CDH18: variants seen among roughly 807,000 people sequenced by gnomAD.
The protein encoded by CDH18 is cadherin 18, also known as cadherin-18.
Under a neutral mutation model 67.9 loss-of-function variants are expected in CDH18, and 31 were observed. The observed-to-expected ratio is 0.46, with a 90% CI of 0.34 to 0.62. The LOEUF (loss-of-function observed/expected upper bound fraction) is 0.62, where lower values mean the gene tolerates loss of function less well. CDH18 is among the 20% of genes least tolerant of loss of function. CDH18 has a pLI of 0.01. For synonymous variants in CDH18, 362 were observed against 347.2 expected (o/e 1.04, Z -0.48); for missense variants, 890 against 975.5 (o/e 0.91, Z 1.17).
chr5:19,897,309 T>C (rs550473248), intron 2 of CDH18, among the ~76,000 whole-genome samples: 1 of 152,252 alleles, frequency 6.6e-6, no homozygotes, highest in South Asian at 2.1e-4. Flanking sequence ...ATATTGTTGC[T>C]AAACATATAA....
intron 2 of CDH18, among the ~76,000 whole-genome samples, chr5:20,130,555 C>G (rs1421297824): frequency 2.6e-5 from 4 of 151,852 alleles, no homozygotes. Flanking sequence ...ATCTGGCTAC[C>G]ATGGCCTAGT....
intron 2 of CDH18, among the ~76,000 whole-genome samples, chr5:19,980,342 A>G (rs1798913223): frequency 6.6e-6 from 1 of 152,164 alleles, no homozygotes; most frequent in Non-Finnish European, 1.5e-5. Context: ...ATATAGAATG[A>G]TTTACATAAA....
intron 2 of CDH18, among the ~76,000 whole-genome samples, chr5:20,079,330 T>C (rs1349714904): frequency 6.6e-6 from 1 of 152,202 alleles, no homozygotes; most frequent in East Asian, 1.9e-4. Flanking sequence ...TCTCTGTCTC[T>C]GGCTTATCTC....
intron 3 of CDH18, among the ~76,000 whole-genome samples, chr5:19,833,056 G>C (rs886526391): frequency 4.6e-5 from 7 of 151,972 alleles, no homozygotes; most frequent in Admixed American, 1.3e-4. Flanking sequence ...TTCTAATTTT[G>C]TGAAGAATGT....
At chr5:19,947,724 C>G (rs1406215164) in intron 2 of CDH18, among the ~76,000 whole-genome samples, 2 of 151,284 alleles carry the variant, frequency 1.3e-5, no homozygotes, top group Non-Finnish European at 2.9e-5. Flanking sequence ...GATGGCGCCA[C>G]TGCACTCTAG....
At chr5:20,342,688 T>C (rs2150045725) in intron 1 of CDH18, among the ~76,000 whole-genome samples, 1 of 152,264 alleles carries the variant, frequency 6.6e-6, no homozygotes, top group Non-Finnish European at 1.5e-5. Context: ...CAGACTGCAT[T>C]TATTGATTTG....
At chr5:20,429,671 C>T (rs1330203970) in intron 1 of CDH18, among the ~76,000 whole-genome samples, 1 of 152,148 alleles carries the variant, frequency 6.6e-6, no homozygotes. Flanking sequence ...GAAGGCTGAG[C>T]TACTTTGAGC....
At chr5:19,880,918 T>C (rs964776899) in intron 2 of CDH18, among the ~76,000 whole-genome samples, 1 of 152,192 alleles carries the variant, frequency 6.6e-6, no homozygotes, top group African/African-American at 2.4e-5. Flanking sequence ...TAAATTCTTA[T>C]TGACTCTGTT....
chr5:20,173,489 T>C (rs1176162205), intron 2 of CDH18, among the ~76,000 whole-genome samples: 1 of 152,082 alleles, frequency 6.6e-6, no homozygotes, highest in African/African-American at 2.4e-5. Flanking sequence ...GTCGGTAAGA[T>C]GAGGCTGAGA....
intron 2 of CDH18, among the ~76,000 whole-genome samples, chr5:19,912,072 G>A (rs1051864996): frequency 1.3e-5 from 2 of 151,992 alleles, no homozygotes; most frequent in African/African-American, 4.8e-5. Context: ...TTACTCTTTG[G>A]GAGTCATCGA....
chr5:20,346,298 G>T (rs1740692533), intron 1 of CDH18, among the ~76,000 whole-genome samples: 1 of 151,974 alleles, frequency 6.6e-6, no homozygotes. Flanking sequence ...CTATTTAACG[G>T]GACTAGAGGT....
intron 1 of CDH18, among the ~76,000 whole-genome samples, chr5:20,391,105 G>C (rs1265090996): frequency 6.6e-6 from 1 of 151,876 alleles, no homozygotes; most frequent in Non-Finnish European, 1.5e-5. Flanking sequence ...TGCACGTTAT[G>C]CACATGTACC....
intron 1 of CDH18, among the ~76,000 whole-genome samples, chr5:20,259,192 G>A (rs7709976): frequency 0.025 from 3,867 of 152,192 alleles, 152 homozygotes; most frequent in African/African-American, 0.089. Flanking sequence ...TTTTGAAGAT[G>A]CTCAGGCCCT....
intron 1 of CDH18, among the ~76,000 whole-genome samples, chr5:20,419,777 C>T (rs1747709412): frequency 1.3e-5 from 2 of 150,876 alleles, no homozygotes; most frequent in Admixed American, 1.3e-4. Context: ...GCGCCTGTCC[C>T]TGGGACTCTT....
At position 20,118,225 on chromosome 5, in the gene CDH18, G is replaced by A. The variant is rs148586264; in HGVS notation, c.-517-126211C>T. Among the ~76,000 whole-genome samples, 28 of 152,196 alleles carry A rather than the reference G, an allele frequency of 1.8e-4. No homozygotes were observed. The South Asian group carries it at 2.1e-3, about 11-fold the overall frequency. On this transcript the variant is annotated intron_variant, in intron 2 of 14. Transcript: ENST00000507958. ...GTAACTTTTTTTAAAGAAAAAAAGC[G>A]TTGCAGCAGTAAAGGAATTATGTGA... is the stretch of plus-strand genomic sequence containing the variant.
intron 1 of CDH18, among the ~76,000 whole-genome samples, chr5:20,568,205 T>G (rs1758622991): frequency 6.6e-6 from 1 of 152,142 alleles, no homozygotes; most frequent in African/African-American, 2.4e-5. Flanking sequence ...CTTAACCTAG[T>G]GTTAAAGAAA....
chr5:19,646,712 A>C (rs1754795647), intron 5 of CDH18, among the ~76,000 whole-genome samples: 1 of 152,198 alleles, frequency 6.6e-6, no homozygotes, highest in African/African-American at 2.4e-5. Context: ...AATGGAATAA[A>C]GGATGTATGA....
chr5:20,207,437 C>T (rs762464121), intron 2 of CDH18, among the ~76,000 whole-genome samples: 13 of 151,874 alleles, frequency 8.6e-5, no homozygotes, highest in Non-Finnish European at 4.4e-5. Flanking sequence ...CTCATAAAGA[C>T]ATACAAGAGA....
intron 2 of CDH18, among the ~76,000 whole-genome samples, chr5:19,888,155 C>T (rs984027118): frequency 5.3e-5 from 8 of 152,102 alleles, no homozygotes; most frequent in Non-Finnish European, 1.0e-4. Context: ...GCCCTCTACC[C>T]TTTTCTTCTT....
Sources: gnomAD v4.1 joint callset for allele counts (sites outside exome capture counted in the v4.1 genomes callset) on GRCh38, gnomAD v4.1.1 for gene constraint, MANE v1.5 for transcripts, NCBI Gene and HGNC (gene_info 2026-07-23, HGNC 2026-07-21) for gene names.